ANKRD34C: variants seen among roughly 807,000 people sequenced by gnomAD.
The protein encoded by ANKRD34C is ankyrin repeat domain 34C, also known as ankyrin repeat domain-containing protein 34C.
For synonymous variants in ANKRD34C, 260 were observed against 253.6 expected (o/e 1.03, Z -0.24); for missense variants, 563 against 653.0 (o/e 0.86, Z 1.50).
intron 1 of ANKRD34C, among the ~76,000 whole-genome samples, chr15:79,287,856 C>T (rs989882672): frequency 2.0e-4 from 30 of 152,316 alleles, no homozygotes; most frequent in African/African-American, 6.0e-4. Context: ...AATCCATGAA[C>T]GCAGCTCTTA....
In ANKRD34C at chr15:79,293,494, C is replaced by T. The variant is rs921447487; in HGVS notation, c.210C>T (p.Tyr70=). The T allele has an allele frequency of 3.9e-6, 6 of 1,551,410 alleles. No individual in the cohort carries two copies. The highest frequency in any genetic ancestry group is 1.7e-4 in the Middle Eastern group (1 of 6,014). ...TCAGCAAGTCCAAGATGGTGAAGTA[C>T]CTGCTGGACAACAGGGCAGACCCCA... The part of the protein sequence containing the change: ...QSISKSKMVK[Y]LLDNRADPNI... The change falls in exon 2 of 2, where the codon TAC becomes TAT. Residue 70 remains tyrosine, a synonymous_variant. Transcript: ENST00000421388.
chr15:79,293,948 A>T lies in ANKRD34C; in HGVS notation c.664A>T (p.Thr222Ser), dbSNP rs2058665896. Reference protein sequence around the residue: ...LQAGHPSSCNTSKAVNEPGSP... With the variant: ...LQAGHPSSCNSSKAVNEPGSP... ...AGCAGGGCATCCAAGCAGTTGTAACACCTCCAAGGCTGTTAATGAGCCTGG... is the reference window on the plus strand; with the variant it reads ...AGCAGGGCATCCAAGCAGTTGTAACTCCTCCAAGGCTGTTAATGAGCCTGG... The change falls in exon 2 of 2, where the codon ACC (threonine) becomes TCC (serine). Residue 222 changes from threonine (T) to serine (S), a missense_variant. Physicochemically the swap from Thr to Ser is moderately conservative, Grantham distance 58 (BLOSUM62 1). Transcript: ENST00000421388. The T allele has an allele frequency of 1.3e-6, 2 of 1,551,356 alleles. No individual in the cohort carries two copies. Among genetic ancestry groups the T allele is most frequent in the African/African-American group, 2.7e-5 (2 of 72,956 alleles).
At chr15:79,287,043 T>G (rs1041419099) in intron 1 of ANKRD34C, among the ~76,000 whole-genome samples, 6 of 152,220 alleles carry the variant, frequency 3.9e-5, no homozygotes, top group African/African-American at 1.4e-4. Context: ...CTAGCTCAAT[T>G]TTATTCTCTT....
At chr15:79,286,782 G>C (rs1034216339) in intron 1 of ANKRD34C, among the ~76,000 whole-genome samples, 1 of 151,956 alleles carries the variant, frequency 6.6e-6, no homozygotes, top group African/African-American at 2.4e-5. Flanking sequence ...ATTCTTTACT[G>C]GTTCCCTATG....
intron 1 of ANKRD34C, among the ~76,000 whole-genome samples, chr15:79,289,402 T>G (rs1438565374): frequency 6.6e-6 from 1 of 152,218 alleles, no homozygotes. Flanking sequence ...CTGTATGCCT[T>G]ATCTGCAACC....
intron 1 of ANKRD34C, among the ~76,000 whole-genome samples, chr15:79,291,882 G>T (rs2058660741): frequency 6.6e-6 from 1 of 152,190 alleles, no homozygotes; most frequent in African/African-American, 2.4e-5. Flanking sequence ...TTTCAAGGAG[G>T]AGTGGGGGAT....
chr15:79,294,860 C>G lies in ANKRD34C; in HGVS notation c.1576C>G (p.Gln526Glu). ...TTCTATGCAAATTGAACAAATGAAA[C>G]AGCTGTCTGATTTTGAAGAAATCAT... ...RHSMQIEQMK[Q>E]LSDFEEIMT Residue 526 changes from glutamine to glutamate, a missense_variant, in exon 2 of 2, where the codon CAG becomes GAG. Physicochemically the swap from Gln to Glu is conservative, Grantham distance 29 (BLOSUM62 2). Coordinates refer to ENST00000421388, the MANE Select transcript of ANKRD34C (RefSeq NM_001146341.2). 1 of 1,543,696 alleles carries G rather than the reference C, an allele frequency of 6.5e-7. No individual in the cohort carries two copies.
In ANKRD34C at chr15:79,294,506, C is replaced by T. The variant is rs2141203592; in HGVS notation, c.1222C>T (p.Leu408Phe). The T allele has an allele frequency of 1.9e-6, 3 of 1,551,772 alleles. No individual in the cohort carries two copies. Among genetic ancestry groups the T allele is most frequent in the South Asian group, 1.2e-5 (1 of 84,062 alleles). ...CAAAGGACCTTTAGATAGAAAGAAG[C>T]TCAACAGCTCTCACTTGTCTCTTTT... ...SGKGPLDRKK[L>F]NSSHLSLFHG... Residue 408 changes from leucine (L) to phenylalanine (F), a missense_variant, in exon 2 of 2, where the codon CTC becomes TTC. Transcript: ENST00000421388.
rs937931156 is a variant in ANKRD34C at position 79,282,819 on chromosome 15, G to C, written c.-454G>C. Among the ~76,000 whole-genome samples the C allele has an allele frequency of 6.6e-6, 1 of 152,264 alleles. No homozygotes were observed. Among genetic ancestry groups the C allele is most frequent in the African/African-American group, 2.4e-5 (1 of 41,470 alleles). On this transcript the variant is annotated 5_prime_UTR_variant, in exon 1 of 2. Transcript: ENST00000421388. ...ACAGCCGGCCGAAGACCAAGCCGGA[G>C]GTCTGGGGCTGCGCAGAGACCTGCA...
intron 1 of ANKRD34C, among the ~76,000 whole-genome samples, chr15:79,291,107 C>G (rs2058657815): frequency 6.6e-6 from 1 of 152,178 alleles, no homozygotes; most frequent in African/African-American, 2.4e-5. Context: ...TCAACCCTCC[C>G]TCTTTGATCT....
rs1180515040 is a variant in ANKRD34C, at chr15:79,296,581, T to C, written c.*1689T>C. The C allele has an allele frequency of 6.0e-6, 1 of 167,108 alleles. No homozygotes were observed. Among genetic ancestry groups the C allele is most frequent in the Non-Finnish European group, 1.5e-5 (1 of 68,118 alleles). The allele number at this position is 167,108 out of a possible 1,614,324, so 10.4% of individuals were successfully genotyped here. A position where few individuals can be genotyped will look rare whatever the true frequency, so the allele number is the denominator to read the frequency against. Reference sequence around the variant, plus strand: ...AAGTAAAAAATTCTGCCATATAAACTCTACATATTATATAATTTTTCTATA... The same window carrying C: ...AAGTAAAAAATTCTGCCATATAAACCCTACATATTATATAATTTTTCTATA... On this transcript the variant is annotated 3_prime_UTR_variant, in exon 2 of 2. Coordinates refer to ENST00000421388, the MANE Select transcript of ANKRD34C (RefSeq NM_001146341.2).
At chr15:79,286,565 G>A (rs867108827) in intron 1 of ANKRD34C, among the ~76,000 whole-genome samples, 2 of 152,104 alleles carry the variant, frequency 1.3e-5, no homozygotes, top group South Asian at 2.1e-4. Context: ...TCAAATGAAG[G>A]TAAATTAGAT....
rs1190360690 is a variant in ANKRD34C, at chr15:79,294,423, A to G, written c.1139A>G (p.Tyr380Cys). The G allele has an allele frequency of 8.4e-6, 13 of 1,551,672 alleles. No homozygotes were observed. In the East Asian group the frequency reaches 2.9e-4, roughly 35 times the overall value. The change falls in exon 2 of 2, where the codon TAT (tyrosine) becomes TGT (cysteine). Residue 380 changes from tyrosine (Y) to cysteine (C), a missense_variant. By Grantham distance (194) the Tyr-to-Cys change is radical. Transcript: ENST00000421388. ...CTCAAATGGCTGGAAAATGACCTCT[A>G]TGACTTAGATATACAGCCAGGGCCT... ...ASLKWLENDL[Y>C]DLDIQPGPDP...
rs952337784 is a variant in ANKRD34C, at chr15:79,294,683, A to C, written c.1399A>C (p.Asn467His). ...HTRPGFLPPL[N>H]VNLNPPIPDI... ...TAGGCCTGGCTTCCTGCCGCCTTTA[A>C]ATGTGAATCTGAACCCGCCTATTCC... The change falls in exon 2 of 2, where the codon AAT (asparagine) becomes CAT (histidine). Residue 467 changes from asparagine to histidine, a missense_variant. Coordinates refer to ENST00000421388, the MANE Select transcript of ANKRD34C (RefSeq NM_001146341.2). The C allele has an allele frequency of 5.3e-5, 82 of 1,551,554 alleles. No homozygotes were observed. The highest frequency in any genetic ancestry group is 7.1e-5 in the Non-Finnish European group (81 of 1,146,998).
Position 79,294,399 on chromosome 15 carries a change from T to A in ANKRD34C, c.1115T>A (p.Leu372His). 2 of 1,551,508 alleles carry A rather than the reference T, an allele frequency of 1.3e-6. No homozygotes were observed. The highest frequency in any genetic ancestry group is 1.7e-6 in the Non-Finnish European group (2 of 1,146,930). The change falls in exon 2 of 2, where the codon CTC (leucine) becomes CAC (histidine). Residue 372 changes from leucine (L) to histidine (H), a missense_variant. By Grantham distance (99) the Leu-to-His change is moderately conservative (BLOSUM62 -3). Transcript: ENST00000421388. ...TCTGCTCTCAAAGAGCCTGCATCCC[T>A]CAAATGGCTGGAAAATGACCTCTAT... Reference protein sequence around the residue: ...GPSALKEPASLKWLENDLYDL... With the variant: ...GPSALKEPASHKWLENDLYDL...
At chr15:79,287,023 T>C (rs1174935220) in intron 1 of ANKRD34C, among the ~76,000 whole-genome samples, 1 of 152,218 alleles carries the variant, frequency 6.6e-6, no homozygotes, top group East Asian at 1.9e-4. Flanking sequence ...CCACTCATGT[T>C]TTTCAAGTAC....
Position 79,296,858 on chromosome 15 carries a change from G to A in ANKRD34C, c.*1966G>A, listed in dbSNP as rs148335870. The A allele has an allele frequency of 5.5e-3, 919 of 167,156 alleles. 5 individuals are homozygous for A. Among genetic ancestry groups the A allele is most frequent in the Non-Finnish European group, 0.011 (722 of 68,122 alleles). 10.4% of individuals were successfully genotyped at this position (167,156 alleles called of 1,614,324 possible). ...GTTGATCTCTACTGCTAGACCTATC[G>A]TATATGTCAAGAACAACAAAGCTGT... is the stretch of plus-strand genomic sequence containing the variant. On this transcript the variant is annotated 3_prime_UTR_variant, in exon 2 of 2. Coordinates refer to ENST00000421388, the MANE Select transcript of ANKRD34C (RefSeq NM_001146341.2).
Position 79,294,597 on chromosome 15 carries a change from C to A in ANKRD34C, c.1313C>A (p.Pro438Gln), listed in dbSNP as rs569161480. 6.4e-7 allele frequency: 1 copy of A among 1,551,578 alleles called. No homozygotes were observed. Among genetic ancestry groups the A allele is most frequent in the Non-Finnish European group, 8.7e-7 (1 of 1,146,996 alleles). ...TCCCCCAGCTCAGCACGCCGCAGGC[C>A]GCCACATCTTCTAGAACGACGAGGT... ...STSPSSARRRPPHLLERRGSG... is the reference protein window; with the variant it reads ...STSPSSARRRQPHLLERRGSG... Residue 438 changes from proline to glutamine, a missense_variant, in exon 2 of 2, where the codon CCG (proline) becomes CAG (glutamine). Pro to Gln is a moderately conservative substitution (Grantham distance 76). Coordinates refer to ENST00000421388, the MANE Select transcript of ANKRD34C (RefSeq NM_001146341.2).
intron 1 of ANKRD34C, among the ~76,000 whole-genome samples, chr15:79,291,770 C>T (rs2058660490): frequency 6.6e-6 from 1 of 152,104 alleles, no homozygotes; most frequent in African/African-American, 2.4e-5. Flanking sequence ...CACATAAACA[C>T]AACAACATCA....
Sources: allele counts gnomAD v4.1 joint callset (sites outside exome capture counted in the v4.1 genomes callset), GRCh38; gene constraint gnomAD v4.1.1; transcripts MANE v1.5; gene names NCBI Gene and HGNC (gene_info 2026-07-23, HGNC 2026-07-21).